CACNA1B: variants seen among roughly 807,000 people sequenced by gnomAD.
CACNA1B encodes the protein calcium voltage-gated channel subunit alpha1 B.
Under a neutral mutation model 247.2 loss-of-function variants are expected in CACNA1B, and 70 were observed. The ratio of observed to expected loss-of-function variants is 0.28; its 90% CI spans 0.23 to 0.35. The LOEUF (loss-of-function observed/expected upper bound fraction) is 0.35. Among genes scored for constraint, CACNA1B ranks in the 10% least tolerant of loss-of-function variants. The probability of loss-of-function intolerance (pLI) is 1.00; values close to 1 mark genes in which losing one functional copy is unlikely to be tolerated. For synonymous variants in CACNA1B, 1,231 were observed against 1,294.4 expected (o/e 0.95, Z 1.05); for missense variants, 2,367 against 3,197.4 (o/e 0.74, Z 6.26).
At chr9:138,101,262 C>T in intron 37 of CACNA1B, 1 of 487,154 alleles carries the variant, frequency 2.1e-6, no homozygotes. Flanking sequence ...ACAGCACACA[C>T]TCCCTGCCTG....
intron 8 of CACNA1B, among the ~76,000 whole-genome samples, chr9:137,956,330 A>G (rs1392140935): frequency 2.0e-5 from 3 of 152,208 alleles, no homozygotes; most frequent in Non-Finnish European, 2.9e-5. Context: ...GAAAAAGCTC[A>G]GCTGTGGGCC....
intron 20 of CACNA1B, among the ~76,000 whole-genome samples, chr9:138,038,860 T>A (rs981283475): frequency 6.6e-6 from 1 of 152,180 alleles, no homozygotes; most frequent in Non-Finnish European, 1.5e-5. Context: ...TGGGTTTTTA[T>A]TGCTTTCAGG....
At chr9:137,959,584 GA>G (rs879843618) in intron 10 of CACNA1B, among the ~76,000 whole-genome samples, 72 of 142,862 alleles carry the variant, frequency 5.0e-4, no homozygotes, top group African/African-American at 9.5e-4. Context: ...ATCCAAAAAA[GA>G]AAAAAAAAAA....
At position 138,077,652 on chromosome 9, in the gene CACNA1B, A is replaced by G. The variant is rs1276427511; in HGVS notation, c.4950-462A>G. ...AGGTCATGGTCGCTTGGCCTAGGAC[A>G]GTGAGGAGTGGTGAGAGCCTGGCTG... On this transcript the variant is annotated intron_variant, in intron 35 of 46. Coordinates refer to ENST00000371372, the MANE Select transcript of CACNA1B (RefSeq NM_000718.4). Among the ~76,000 whole-genome samples, 8 of 152,326 alleles carry G rather than the reference A, an allele frequency of 5.3e-5. No homozygotes were observed. The East Asian group carries it at 9.7e-4, about 18-fold the overall frequency.
chr9:137,878,906 C>A, intron 1 of CACNA1B, 148 bp from the exon 2 acceptor site: 1 of 578,178 alleles, frequency 1.7e-6, no homozygotes, highest in South Asian at 1.9e-5. Context: ...GGAGACCAGG[C>A]CGCTTCCGCC....
intron 6 of CACNA1B, among the ~76,000 whole-genome samples, chr9:137,921,531 A>C (rs1355186087): frequency 6.7e-6 from 1 of 149,170 alleles, no homozygotes; most frequent in Non-Finnish European, 1.5e-5. Flanking sequence ...GAACACCATC[A>C]GCACCGTGAC....
At chr9:137,980,897 A>G (rs1302501015) in intron 12 of CACNA1B, among the ~76,000 whole-genome samples, 1 of 152,118 alleles carries the variant, frequency 6.6e-6, no homozygotes, top group African/African-American at 2.4e-5. Context: ...TCTTGATCCA[A>G]TCCACTGTTA....
At chr9:138,053,771 A>T in intron 25 of CACNA1B, 75 bp from the exon 26 acceptor site, 7 of 930,422 alleles carry the variant, frequency 7.5e-6, no homozygotes, top group South Asian at 3.7e-5. Flanking sequence ...CCGTGACCCT[A>T]CCCTTCCCCC....
chr9:138,016,787 T>C (rs374620419), intron 18 of CACNA1B, among the ~76,000 whole-genome samples: 509 of 152,278 alleles, frequency 3.3e-3, no homozygotes, highest in Non-Finnish European at 5.2e-3. Flanking sequence ...GGGGGCTGTT[T>C]GGAACTGCAG....
chr9:138,068,283 G>A (rs1234443270), intron 31 of CACNA1B, among the ~76,000 whole-genome samples: 1 of 152,196 alleles, frequency 6.6e-6, no homozygotes, highest in Admixed American at 6.5e-5. Flanking sequence ...CTTCGGAAGT[G>A]ATGGTGATGT....
chr9:137,927,891 T>A (rs1957569314), intron 6 of CACNA1B, among the ~76,000 whole-genome samples: 1 of 152,242 alleles, frequency 6.6e-6, no homozygotes. Flanking sequence ...ACTGATATGA[T>A]CATGTGAGTT....
At chr9:138,036,106 C>G (rs1417917066) in intron 20 of CACNA1B, among the ~76,000 whole-genome samples, 2 of 151,860 alleles carry the variant, frequency 1.3e-5, no homozygotes, top group Non-Finnish European at 2.9e-5. Flanking sequence ...TTTCTTTCCC[C>G]CCCGCCCCTT....
intron 6 of CACNA1B, among the ~76,000 whole-genome samples, chr9:137,941,796 G>T (rs1467700932): frequency 6.6e-6 from 1 of 152,152 alleles, no homozygotes; most frequent in African/African-American, 2.4e-5. Context: ...GAATGAAACT[G>T]AATTCTCATC....
At chr9:137,996,299 G>A (rs912386531) in intron 15 of CACNA1B, among the ~76,000 whole-genome samples, 8 of 152,184 alleles carry the variant, frequency 5.3e-5, no homozygotes, top group African/African-American at 1.9e-4. Context: ...AAAACGTAGT[G>A]TATACCAGTA....
rs1448184185 is a variant in CACNA1B, at chr9:137,984,128, C to G, written c.1657-10C>G. ...ACGGTGCACCCAAGGCTAATGCCAT[C>G]CCGTTGCAGGTCATCGTGGGGAGCG... On this transcript the variant is annotated splice_polypyrimidine_tract_variant and intron_variant, in intron 12 of 46. Coordinates refer to ENST00000371372, the MANE Select transcript of CACNA1B (RefSeq NM_000718.4). The G allele has an allele frequency of 6.3e-7, 1 of 1,580,176 alleles. No homozygotes were observed. Among genetic ancestry groups the G allele is most frequent in the Non-Finnish European group, 8.6e-7 (1 of 1,161,522 alleles).
At chr9:138,098,152 A>G (rs536024972) in intron 37 of CACNA1B, among the ~76,000 whole-genome samples, 4 of 152,356 alleles carry the variant, frequency 2.6e-5, no homozygotes, top group African/African-American at 4.8e-5. Flanking sequence ...CACAGTGTAT[A>G]TGACAATTTC....
intron 32 of CACNA1B, among the ~76,000 whole-genome samples, chr9:138,071,051 T>G (rs981822747): frequency 1.1e-4 from 17 of 152,250 alleles, no homozygotes; most frequent in African/African-American, 3.9e-4. Context: ...GATGCTGGTC[T>G]TGGTCCAGAG....
intron 26 of CACNA1B, among the ~76,000 whole-genome samples, chr9:138,055,200 T>C (rs1959451683): frequency 6.6e-6 from 1 of 151,948 alleles, no homozygotes; most frequent in Non-Finnish European, 1.5e-5. Context: ...TATTGCAGCT[T>C]AATGCAGCCT....
At chr9:137,975,814 G>C in intron 11 of CACNA1B, 93 bp from the exon 12 acceptor site, 1 of 767,422 alleles carries the variant, frequency 1.3e-6, no homozygotes, top group East Asian at 2.7e-5. Context: ...TCAGCCCTGG[G>C]AAGGCCCAGA....
Sources: allele counts gnomAD v4.1 joint callset (sites outside exome capture counted in the v4.1 genomes callset), GRCh38; gene constraint gnomAD v4.1.1; transcripts MANE v1.5; gene names NCBI Gene and HGNC (gene_info 2026-07-23, HGNC 2026-07-21).